Variants in PPP2R2D observed in about 807,000 individuals in gnomAD.
PPP2R2D encodes the protein protein phosphatase 2 regulatory subunit Bdelta.
In PPP2R2D, 9 loss-of-function variants were observed where a neutral mutation model predicts 31.1. The observed-to-expected ratio is 0.29, with a 90% CI of 0.17 to 0.51. The LOEUF (loss-of-function observed/expected upper bound fraction) is 0.51, where lower values mean the gene tolerates loss of function less well. PPP2R2D is among the 20% of genes least tolerant of loss of function. The probability of loss-of-function intolerance (pLI) is 0.98; values close to 1 mark genes in which losing one functional copy is unlikely to be tolerated. For synonymous variants in PPP2R2D, 179 were observed against 172.6 expected (o/e 1.04, Z -0.29); for missense variants, 391 against 465.6 (o/e 0.84, Z 1.48).
At chr10:131,961,856 G>A (rs1174511219), downstream of PPP2R2D, among the ~76,000 whole-genome samples, 1 of 151,464 alleles carries the variant, frequency 6.6e-6, no homozygotes, top group Non-Finnish European at 1.5e-5. Flanking sequence ...ATTATCTTAA[G>A]GACTGACAGT....
At chr10:131,932,198 G>A (rs182644208) in intron 2 of PPP2R2D, among the ~76,000 whole-genome samples, 81 of 152,270 alleles carry the variant, frequency 5.3e-4, no homozygotes, top group African/African-American at 1.8e-3. Context: ...CAGACAGCCA[G>A]CTGGCAGCAG....
At chr10:131,961,466 C>T (rs1172323037), downstream of PPP2R2D, among the ~76,000 whole-genome samples, 1 of 152,176 alleles carries the variant, frequency 6.6e-6, no homozygotes, top group Non-Finnish European at 1.5e-5. Context: ...AGGGCTTTCC[C>T]TACAGCCACC....
chr10:131,951,576 A>G (rs1254881780), intron 8 of PPP2R2D, among the ~76,000 whole-genome samples: 1 of 152,180 alleles, frequency 6.6e-6, no homozygotes, highest in African/African-American at 2.4e-5. Context: ...TAATCCCAGC[A>G]CTTTGGGAGG....
intron 6 of PPP2R2D, among the ~76,000 whole-genome samples, chr10:131,944,758 A>C (rs3935905): frequency 0.28 from 42,902 of 152,016 alleles, 6,183 homozygotes; most frequent in East Asian, 0.45. Context: ...TGAAACTGGG[A>C]CTGCTAGTCT....
intron 2 of PPP2R2D, among the ~76,000 whole-genome samples, chr10:131,923,040 C>CT (rs1186595364): frequency 4.5e-4 from 69 of 152,276 alleles, no homozygotes; most frequent in African/African-American, 1.6e-3. Context: ...AGAGCTCATC[C>CT]TTTGTGAAGT....
chr10:131,929,139 C>T (rs1564816790), intron 2 of PPP2R2D, among the ~76,000 whole-genome samples: 1 of 152,194 alleles, frequency 6.6e-6, no homozygotes, highest in Non-Finnish European at 1.5e-5. Context: ...CCTCGGAAAT[C>T]TTGGTTTCAG....
At chr10:131,933,520 G>A (rs562342581) in intron 2 of PPP2R2D, among the ~76,000 whole-genome samples, 3 of 152,118 alleles carry the variant, frequency 2.0e-5, no homozygotes, top group Non-Finnish European at 2.9e-5. Context: ...AGGGTAAGGC[G>A]AGGAGTCCCA....
intron 2 of PPP2R2D, among the ~76,000 whole-genome samples, chr10:131,925,326 CTTAG>C (rs1182188677): frequency 6.6e-6 from 1 of 152,042 alleles, no homozygotes; most frequent in Non-Finnish European, 1.5e-5. Flanking sequence ...GCATTTTATT[CTTAG>C]TTGGTTGAGT....
intron 2 of PPP2R2D, among the ~76,000 whole-genome samples, chr10:131,926,426 C>G (rs578066240): frequency 6.6e-6 from 1 of 152,216 alleles, no homozygotes; most frequent in Non-Finnish European, 1.5e-5. Context: ...GCGTGTAATT[C>G]AGTACTCTGG....
rs1376076541 is a variant in PPP2R2D, at chr10:131,906,077, G to A, written c.100+4747G>A. 2.0e-5 allele frequency among the ~76,000 whole-genome samples: 3 copies of A among 152,198 alleles called. No individual in the cohort carries two copies. The East Asian group carries it at 5.8e-4, about 29-fold the overall frequency. On this transcript the variant is annotated intron_variant, in intron 2 of 8. Transcript: ENST00000455566. ...GATACCACAGAGACAGTAAGTAAGTGAAACACCTGCACGTCAAGCAAGTGC... is the reference window on the plus strand; with the variant it reads ...GATACCACAGAGACAGTAAGTAAGTAAAACACCTGCACGTCAAGCAAGTGC...
At chr10:131,965,142 G>A in the PPP2R2D span, among the ~76,000 whole-genome samples, 5 of 152,328 alleles carry the variant, frequency 3.3e-5, no homozygotes, top group South Asian at 2.1e-4. Flanking sequence ...GACTGTCAGC[G>A]AGGGCATCTC....
At chr10:131,935,259 G>A (rs1564818962) in intron 3 of PPP2R2D, among the ~76,000 whole-genome samples, 1 of 152,252 alleles carries the variant, frequency 6.6e-6, no homozygotes, top group African/African-American at 2.4e-5. Context: ...TTCCTGGCAA[G>A]AACCCTGGCT....
At chr10:131,929,894 C>T (rs975719846) in intron 2 of PPP2R2D, among the ~76,000 whole-genome samples, 8 of 152,184 alleles carry the variant, frequency 5.3e-5, no homozygotes. Flanking sequence ...CCTCTCTTGC[C>T]ACCTGAGGCC....
chr10:131,957,475 C>T lies in PPP2R2D; in HGVS notation c.*1512C>T, dbSNP rs2036822876. ...GAAGGTGTGTGCTGATTCCTCATGC[C>T]CCTGTCTGGATGAAGGTGTGTGCTG... On this transcript the variant is annotated 3_prime_UTR_variant, in exon 9 of 9. Transcript: ENST00000455566. 5.9e-6 allele frequency: 1 copy of T among 168,994 alleles called. No homozygotes were observed. Among genetic ancestry groups the T allele is most frequent in the Non-Finnish European group, 1.2e-5 (1 of 83,434 alleles). The allele number at this position is 168,994 out of a possible 1,614,324, so 10.5% of individuals were successfully genotyped here.
At chr10:131,927,195 G>A (rs1330253889) in intron 2 of PPP2R2D, among the ~76,000 whole-genome samples, 1 of 152,132 alleles carries the variant, frequency 6.6e-6, no homozygotes, top group African/African-American at 2.4e-5. Context: ...CTGGAAGTTT[G>A]AGGGGAGAGG....
chr10:131,961,551 C>T (rs114109011), downstream of PPP2R2D, among the ~76,000 whole-genome samples: 402 of 152,318 alleles, frequency 2.6e-3, 5 homozygotes, highest in African/African-American at 9.1e-3. Context: ...TGGCTTTGAG[C>T]TCCGTGCCTC....
the PPP2R2D span, chr10:131,970,769 G>C: frequency 6.2e-7 from 1 of 1,614,230 alleles, no homozygotes; most frequent in Non-Finnish European, 8.5e-7. The surrounding 1 kb of genome is among the most constrained non-coding windows in gnomAD (Gnocchi z 4.1). Context: ...TGCGCTTCGG[G>C]TGTTTAAAGA....
intron 8 of PPP2R2D, among the ~76,000 whole-genome samples, chr10:131,948,146 G>C (rs1263814493): frequency 6.6e-6 from 1 of 152,208 alleles, no homozygotes; most frequent in African/African-American, 2.4e-5. Flanking sequence ...GAATGACCGC[G>C]TTGCAGTCTG....
chr10:131,926,536 A>G lies in PPP2R2D; in HGVS notation c.101-7922A>G, dbSNP rs536632423. The stretch of plus-strand genomic sequence containing the variant: ...CACAAAACATTAAAAAAGGTAGACA[A>G]TTTCCCACTTTTCTTGTCTGTCAGT... On this transcript the variant is annotated intron_variant, in intron 2 of 8. Coordinates refer to ENST00000455566, the MANE Select transcript of PPP2R2D (RefSeq NM_018461.5). 6.6e-5 allele frequency among the ~76,000 whole-genome samples: 10 copies of G among 152,042 alleles called. No homozygotes were observed. In the East Asian group the frequency reaches 1.4e-3, roughly 21 times the overall value.
Sources: allele counts gnomAD v4.1 joint callset (sites outside exome capture counted in the v4.1 genomes callset), GRCh38; gene constraint gnomAD v4.1.1; non-coding constraint Gnocchi (gnomAD v3.1); transcripts MANE v1.5; gene names NCBI Gene and HGNC (gene_info 2026-07-23, HGNC 2026-07-21).